Variants in SCN8A observed in about 807,000 individuals in gnomAD.
SCN8A encodes the protein sodium voltage-gated channel alpha subunit 8.
A neutral mutation model predicts 184.1 loss-of-function variants in SCN8A; 30 were observed. The observed-to-expected ratio is 0.16, with a 90% CI of 0.12 to 0.22. The LOEUF is 0.22. Among genes scored for constraint, SCN8A ranks in the 10% least tolerant of loss-of-function variants. The pLI, the probability that SCN8A is intolerant of heterozygous loss-of-function variation, is 1.00. For synonymous variants in SCN8A, 852 were observed against 907.0 expected, an observed-to-expected ratio of 0.94 and a Z score of 1.09; for missense variants, 1,057 against 2,498.9, an observed-to-expected ratio of 0.42 and a Z score of 12.30.
Position 51,699,798 on chromosome 12 carries a change from G to T in SCN8A, c.928+7G>T, listed in dbSNP as rs753184201. Reference sequence around the variant, plus strand: ...GAGTATATCAACAATAAAAGTAGGTGGCCTCTTCTCTGCAAGAGGAATAGG... The same window carrying T: ...GAGTATATCAACAATAAAAGTAGGTTGCCTCTTCTCTGCAAGAGGAATAGG... On this transcript the variant is annotated splice_region_variant and intron_variant, in intron 7 of 26. Coordinates refer to ENST00000627620, the MANE Select transcript of SCN8A (RefSeq NM_001330260.2). The T allele has an allele frequency of 6.2e-7, 1 of 1,605,376 alleles. No homozygotes were observed. Among genetic ancestry groups the T allele is most frequent in the South Asian group, 1.1e-5 (1 of 89,896 alleles).
rs191796582 is a variant in SCN8A, at chr12:51,804,547, T to A, written c.4796-1735T>A. On this transcript the variant is annotated intron_variant, in intron 26 of 26. Transcript: ENST00000627620. The stretch of plus-strand genomic sequence containing the variant: ...CTCTGTCGCCCAGGCTGGAGTGCAG[T>A]GGCGTGATCTCAGCTCACTGCAACC... Among the ~76,000 whole-genome samples, 1,234 of 150,462 alleles carry A rather than the reference T, an allele frequency of 8.2e-3. 14 individuals carry two copies. Among genetic ancestry groups the A allele is most frequent in the African/African-American group, 0.029 (1,186 of 40,812 alleles).
intron 14 of SCN8A, among the ~76,000 whole-genome samples, chr12:51,751,865 TG>T (rs1338490981): frequency 1.3e-5 from 2 of 152,194 alleles, no homozygotes; most frequent in Admixed American, 1.3e-4. Context: ...TACAGTGGGT[TG>T]GTTTCAGCAG....
intron 1 of SCN8A, among the ~76,000 whole-genome samples, chr12:51,645,996 AATAAG>A (rs1433476890): frequency 1.0e-4 from 10 of 99,870 alleles, no homozygotes; most frequent in South Asian, 3.6e-4. Flanking sequence ...ATAAAAATAA[AATAAG>A]ATAAAAGTAA....
chr12:51,783,962 A>T (rs1031890008), intron 21 of SCN8A, among the ~76,000 whole-genome samples: 1 of 152,222 alleles, frequency 6.6e-6, no homozygotes, highest in East Asian at 1.9e-4. Flanking sequence ...TGATATTTCC[A>T]TGTCTAGTTC....
intron 25 of SCN8A, among the ~76,000 whole-genome samples, chr12:51,792,085 T>C (rs1047538185): frequency 6.6e-6 from 1 of 151,880 alleles, no homozygotes; most frequent in South Asian, 2.1e-4. Context: ...TACAATAAAA[T>C]GTGGAAGATT....
intron 12 of SCN8A, chr12:51,722,109 G>T: frequency 1.3e-6 from 1 of 778,024 alleles, no homozygotes; most frequent in Non-Finnish European, 2.0e-6. Flanking sequence ...TCTCTCTTCA[G>T]TTTTCCCCCT....
In SCN8A at chr12:51,763,560, CTTTAT is replaced by C. The variant is rs919107105; in HGVS notation, c.2544+888_2544+892del. Reference sequence around the variant, plus strand: ...ATTGAAATTAGTTGTTGAACATTGGCTTTATTTTCTCTATCATTAGCTAAAAAGGA... The same window carrying C: ...ATTGAAATTAGTTGTTGAACATTGGCTTTCTCTATCATTAGCTAAAAAGGA... On this transcript the variant is annotated intron_variant, in intron 15 of 26. Transcript: ENST00000627620. Among the ~76,000 whole-genome samples, 43 of 152,224 alleles carry C rather than the reference CTTTAT, an allele frequency of 2.8e-4. No individual in the cohort carries two copies. The Middle Eastern group carries it at 0.014, about 48-fold the overall frequency.
chr12:51,682,725 T>G (rs1592376791), intron 2 of SCN8A, among the ~76,000 whole-genome samples: 2 of 152,338 alleles, frequency 1.3e-5, no homozygotes, highest in Admixed American at 1.3e-4. Context: ...CCATTTGCTC[T>G]TTCACTCACA....
chr12:51,743,524 C>T (rs779996791), intron 12 of SCN8A, among the ~76,000 whole-genome samples: 3 of 152,186 alleles, frequency 2.0e-5, no homozygotes, highest in Non-Finnish European at 2.9e-5. Flanking sequence ...TTCTCCCAAA[C>T]AAATGGAGTC....
Position 51,794,610 on chromosome 12 carries a change from C to T in SCN8A, c.4764C>T (p.Phe1588=), listed in dbSNP as rs200728478. The change falls in exon 26 of 27, where the codon TTC becomes TTT. Residue 1588 remains phenylalanine, a synonymous_variant. Transcript: ENST00000627620. ...HYYFTIGWNI[F]DFVVVILSIV... ...ACTTCACCATTGGCTGGAACATCTTCGACTTCGTGGTAGTCATCCTCTCCA... is the reference window on the plus strand; with the variant it reads ...ACTTCACCATTGGCTGGAACATCTTTGACTTCGTGGTAGTCATCCTCTCCA... The T allele has an allele frequency of 2.9e-4, 469 of 1,613,870 alleles. 1 individual carries two copies. Among genetic ancestry groups the T allele is most frequent in the Non-Finnish European group, 3.6e-4 (425 of 1,179,854 alleles).
chr12:51,721,130 A>G (rs1160470554), intron 11 of SCN8A, among the ~76,000 whole-genome samples: 2 of 136,338 alleles, frequency 1.5e-5, no homozygotes, highest in Non-Finnish European at 3.1e-5. Flanking sequence ...TGTTATATAT[A>G]TAATATTTAT....
chr12:51,700,202 T>A (rs1941663445), intron 7 of SCN8A, among the ~76,000 whole-genome samples: 2 of 150,910 alleles, frequency 1.3e-5, no homozygotes, highest in South Asian at 4.2e-4. Context: ...AAGAGGTAGT[T>A]GGAGCTGGAA....
rs139500277 is a variant in SCN8A, at chr12:51,605,230, C to G, written c.-55+13871C>G. On this transcript the variant is annotated intron_variant, in intron 1 of 26. Coordinates refer to ENST00000627620, the MANE Select transcript of SCN8A (RefSeq NM_001330260.2). ...GTACCCATCACCTGAGCAGTACACACTGCACCATATTTGTAGTCTTTTATC... is the reference window on the plus strand; with the variant it reads ...GTACCCATCACCTGAGCAGTACACAGTGCACCATATTTGTAGTCTTTTATC... Among the ~76,000 whole-genome samples the G allele has an allele frequency of 3.1e-3, 475 of 151,454 alleles. 4 individuals carry two copies. Among genetic ancestry groups the G allele is most frequent in the African/African-American group, 0.011 (449 of 40,764 alleles).
At chr12:51,644,716 C>T (rs1365956027) in intron 1 of SCN8A, among the ~76,000 whole-genome samples, 1 of 149,856 alleles carries the variant, frequency 6.7e-6, no homozygotes, top group Non-Finnish European at 1.5e-5. Context: ...ATGTGAGGGG[C>T]CCCTCTGCCT....
chr12:51,617,936 G>A lies in SCN8A; in HGVS notation c.-55+26577G>A, dbSNP rs568538382. Among the ~76,000 whole-genome samples, 12 of 152,250 alleles carry A rather than the reference G, an allele frequency of 7.9e-5. No individual in the cohort carries two copies. In the East Asian group the frequency reaches 2.3e-3, roughly 29 times the overall value. ...GATTAGTTGTCAAAACCTTTGGTGT[G>A]CTGTTTAGGGCCAGATACATGCATG... On this transcript the variant is annotated intron_variant, in intron 1 of 26. Transcript: ENST00000627620.
At chr12:51,694,754 T>C (rs933027768) in intron 6 of SCN8A, among the ~76,000 whole-genome samples, 32 of 152,232 alleles carry the variant, frequency 2.1e-4, no homozygotes, top group African/African-American at 6.8e-4. Flanking sequence ...GCCAGAATGA[T>C]GGCATTCTAC....
chr12:51,596,240 G>GT (rs1246108536), intron 1 of SCN8A, among the ~76,000 whole-genome samples: 1 of 152,136 alleles, frequency 6.6e-6, no homozygotes, highest in East Asian at 1.9e-4. Context: ...GGTCTCATAG[G>GT]TGACCTGCCA....
At position 51,746,080 on chromosome 12, in the gene SCN8A, G is replaced by A. The variant is rs1209089141; in HGVS notation, c.2131+45G>A. On this transcript the variant is annotated intron_variant, in intron 13 of 26. Transcript: ENST00000627620. ...AGTCCAACCGCTGAGATATAAATAT[G>A]TAATGTGCATGGTAAATATAATCCC... 8 of 1,535,788 alleles carry A rather than the reference G, an allele frequency of 5.2e-6. No homozygotes were observed. In the East Asian group the frequency reaches 1.6e-4, roughly 31 times the overall value.
rs1435372901 is a variant in SCN8A, at chr12:51,751,462, A to G, written c.2239A>G (p.Asn747Asp). ...PYWIKLKEIV[N>D]LIVMDPFVDL... ...CTGGATAAAACTGAAAGAGATTGTGAACTTGATAGTTATGGACCCTTTTGT... is the reference window on the plus strand; with the variant it reads ...CTGGATAAAACTGAAAGAGATTGTGGACTTGATAGTTATGGACCCTTTTGT... The change falls in exon 14 of 27, where the codon AAC (asparagine) becomes GAC (aspartate). Residue 747 changes from asparagine to aspartate, a missense_variant. By Grantham distance (23) the Asn-to-Asp change is conservative. Around this residue, in one of 19 missense-constraint regions of SCN8A, gnomAD observed 66 missense variants for 310.6 expected, o/e 0.21. Coordinates refer to ENST00000627620, the MANE Select transcript of SCN8A (RefSeq NM_001330260.2). The G allele has an allele frequency of 6.2e-7, 1 of 1,613,832 alleles. No individual in the cohort carries two copies. Among genetic ancestry groups the G allele is most frequent in the African/African-American group, 1.3e-5 (1 of 74,918 alleles).
Sources: allele counts gnomAD v4.1 joint callset (sites outside exome capture counted in the v4.1 genomes callset), GRCh38; gene constraint gnomAD v4.1.1; regional missense constraint gnomAD v4.1.1; transcripts MANE v1.5; gene names NCBI Gene and HGNC (gene_info 2026-07-23, HGNC 2026-07-21).